Variants in PDE4B observed in about 807,000 individuals in gnomAD.
PDE4B encodes 3',5'-cyclic-AMP phosphodiesterase 4B.
PDE4B carries 20 observed loss-of-function variants against 82.2 expected under a neutral mutation model. The observed-to-expected ratio is 0.24, with a 90% CI of 0.17 to 0.35. The LOEUF (loss-of-function observed/expected upper bound fraction) is 0.35, where lower values mean the gene tolerates loss of function less well. Ranked by LOEUF, PDE4B falls within the 10% of genes least tolerant of loss-of-function variation. PDE4B has a pLI of 1.00. For synonymous variants in PDE4B, 320 were observed against 318.9 expected, an observed-to-expected ratio of 1.00 and a Z score of -0.04; for missense variants, 655 against 907.2, an observed-to-expected ratio of 0.72 and a Z score of 3.57.
At chr1:66,123,346 T>C (rs1645751559) in intron 3 of PDE4B, among the ~76,000 whole-genome samples, 2 of 152,220 alleles carry the variant, frequency 1.3e-5, no homozygotes, top group African/African-American at 4.8e-5. Flanking sequence ...ACAGTAGCTT[T>C]TATGTCTGTC....
chr1:65,951,256 A>G (rs1937455), intron 3 of PDE4B, among the ~76,000 whole-genome samples: 63,285 of 151,998 alleles, frequency 0.42, 13,447 homozygotes, highest in South Asian at 0.56. Context: ...GTGATCTAGC[A>G]TGAGAAAGGC....
At chr1:65,924,068 A>G (rs1267583713) in intron 3 of PDE4B, among the ~76,000 whole-genome samples, 6 of 65,366 alleles carry the variant, frequency 9.2e-5, no homozygotes, top group Non-Finnish European at 1.7e-4. Context: ...TCTGCCTTCC[A>G]GTTTGCTAAT....
At chr1:66,329,301 G>A (rs1192964161) in intron 7 of PDE4B, among the ~76,000 whole-genome samples, 2 of 152,160 alleles carry the variant, frequency 1.3e-5, no homozygotes, top group Non-Finnish European at 2.9e-5. Flanking sequence ...TATGTGGGAA[G>A]CCCCTGTGTT....
At chr1:66,174,073 C>A (rs1350539226) in intron 3 of PDE4B, among the ~76,000 whole-genome samples, 1 of 152,196 alleles carries the variant, frequency 6.6e-6, no homozygotes. Context: ...AGGTGTCAGC[C>A]ACTGCACCCA....
At chr1:65,945,647 G>C (rs543853394) in intron 3 of PDE4B, among the ~76,000 whole-genome samples, 1 of 151,984 alleles carries the variant, frequency 6.6e-6, no homozygotes, top group African/African-American at 2.4e-5. Context: ...AGCCTATGCC[G>C]TTAGGTCCAT....
chr1:65,929,285 G>A (rs561355815), intron 3 of PDE4B, among the ~76,000 whole-genome samples: 90 of 152,234 alleles, frequency 5.9e-4, no homozygotes, highest in Non-Finnish European at 1.1e-3. Context: ...AGCATGGGTC[G>A]GGGAGGGGAT....
intron 1 of PDE4B, among the ~76,000 whole-genome samples, chr1:65,850,583 C>T (rs1208750593): frequency 2.0e-5 from 3 of 152,166 alleles, no homozygotes; most frequent in East Asian, 3.9e-4. Context: ...AGTTTCTGTT[C>T]AAATCTTTTG....
In PDE4B at chr1:65,891,684, T is replaced by G. The variant is rs534353701; in HGVS notation, c.-70-21561T>G. Among the ~76,000 whole-genome samples, 17 of 152,244 alleles carry G rather than the reference T, an allele frequency of 1.1e-4. 1 individual carries two copies. The East Asian group carries it at 1.5e-3, about 14-fold the overall frequency. On this transcript the variant is annotated intron_variant, in intron 1 of 16. Transcript: ENST00000341517. The stretch of plus-strand genomic sequence containing the variant: ...TTTGTTTGATATTTCAGTGCTTTAA[T>G]GGATTTAATACTAAAATGCTTTTTT...
chr1:66,045,998 T>C (rs1293306524), intron 3 of PDE4B, among the ~76,000 whole-genome samples: 1 of 151,682 alleles, frequency 6.6e-6, no homozygotes, highest in East Asian at 1.9e-4. Flanking sequence ...GATGGGCTGC[T>C]TTTGGAGTGT....
At chr1:66,207,715 G>C (rs918057275) in intron 3 of PDE4B, among the ~76,000 whole-genome samples, 3 of 152,192 alleles carry the variant, frequency 2.0e-5, no homozygotes, top group African/African-American at 7.2e-5. Flanking sequence ...GGCTGCAGCA[G>C]TCATAATGAT....
intron 3 of PDE4B, among the ~76,000 whole-genome samples, chr1:65,999,476 T>G (rs144979811): frequency 0.01 from 1,533 of 152,300 alleles, 21 homozygotes; most frequent in African/African-American, 0.035. Context: ...GGTTTTCTTC[T>G]GCCTGGAAGA....
chr1:65,931,955 G>T (rs1647859526), intron 3 of PDE4B, among the ~76,000 whole-genome samples: 1 of 152,294 alleles, frequency 6.6e-6, no homozygotes, highest in East Asian at 1.9e-4. Context: ...ACAGAAGTTT[G>T]CACTGACAGT....
intron 1 of PDE4B, among the ~76,000 whole-genome samples, chr1:65,912,817 G>A (rs1647111538): frequency 6.6e-6 from 1 of 151,994 alleles, no homozygotes; most frequent in Non-Finnish European, 1.5e-5. Context: ...TATTTTAGCT[G>A]TGTTACCTTG....
intron 3 of PDE4B, among the ~76,000 whole-genome samples, chr1:66,190,789 G>A (rs1181433093): frequency 6.6e-6 from 1 of 152,018 alleles, no homozygotes; most frequent in Admixed American, 6.5e-5. Context: ...GGCTTCCTGG[G>A]TGAGGCGATG....
At chr1:66,202,065 T>C (rs1649018318) in intron 3 of PDE4B, among the ~76,000 whole-genome samples, 1 of 152,190 alleles carries the variant, frequency 6.6e-6, no homozygotes, top group Non-Finnish European at 1.5e-5. Flanking sequence ...CTCATTGGTT[T>C]CAAAGAACAT....
chr1:66,039,489 T>A (rs12565528), intron 3 of PDE4B, among the ~76,000 whole-genome samples: 3 of 152,040 alleles, frequency 2.0e-5, no homozygotes, highest in African/African-American at 7.2e-5. Context: ...TTTCCCATTC[T>A]TAGTGGCTGT....
intron 1 of PDE4B, among the ~76,000 whole-genome samples, chr1:65,858,533 TC>T (rs1646418796): frequency 6.6e-6 from 1 of 152,252 alleles, no homozygotes; most frequent in Non-Finnish European, 1.5e-5. Context: ...AAATATTTCA[TC>T]ATCTTGGATA....
intron 8 of PDE4B, among the ~76,000 whole-genome samples, chr1:66,354,093 C>T (rs1191447391): frequency 6.6e-6 from 1 of 152,094 alleles, no homozygotes; most frequent in Non-Finnish European, 1.5e-5. Flanking sequence ...TTGGTGTGTG[C>T]GACAAATAAT....
intron 1 of PDE4B, among the ~76,000 whole-genome samples, chr1:65,843,448 T>C (rs1472016651): frequency 6.6e-6 from 1 of 152,148 alleles, no homozygotes; most frequent in Non-Finnish European, 1.5e-5. Context: ...CACTACCAAA[T>C]GCCATGGGTG....
Sources: gnomAD v4.1 joint callset for allele counts (sites outside exome capture counted in the v4.1 genomes callset) on GRCh38, gnomAD v4.1.1 for gene constraint, MANE v1.5 for transcripts, NCBI Gene and HGNC (gene_info 2026-07-23, HGNC 2026-07-21) for gene names.